The following WNT5B variants were observed in gnomAD, a reference collection of about 807,000 sequenced individuals.
WNT5B encodes the protein protein Wnt-5b.
WNT5B carries 18 observed loss-of-function variants against 36.5 expected under a neutral mutation model. The observed-to-expected ratio is 0.49, with a 90% CI of 0.34 to 0.73. The LOEUF (loss-of-function observed/expected upper bound fraction) is 0.73. Ranked by LOEUF, WNT5B falls within the 30% of genes least tolerant of loss-of-function variation. WNT5B has a pLI of 0.01. For missense variants in WNT5B, 424 were observed against 508.4 expected (o/e 0.83, Z 1.60); for synonymous variants, 213 against 212.3 (o/e 1.00, Z -0.03).
At chr12:1,623,198 T>TTTTG (rs1565603205) in intron 1 of WNT5B, among the ~76,000 whole-genome samples, 2 of 119,004 alleles carry the variant, frequency 1.7e-5, no homozygotes, top group African/African-American at 3.3e-5. Context: ...TTTTTTTTTT[T>TTTTG]TTTTTTTTTT....
upstream of WNT5B, among the ~76,000 whole-genome samples, chr12:1,627,339 G>A (rs1592520543): frequency 6.6e-6 from 1 of 152,326 alleles, no homozygotes; most frequent in East Asian, 1.9e-4. The surrounding 1 kb of genome is among the most constrained non-coding windows in gnomAD (Gnocchi z 5.0). Flanking sequence ...TTTCCTGCAG[G>A]AGTCTTGAGA....
intron 3 of WNT5B, among the ~76,000 whole-genome samples, chr12:1,639,219 G>C (rs7295128): frequency 0.14 from 20,693 of 150,180 alleles, 2,192 homozygotes; most frequent in African/African-American, 0.29. Flanking sequence ...CTCCCTGCAA[G>C]CTCCGCCTCC....
At chr12:1,631,510 C>G in intron 2 of WNT5B, 76 bp downstream of exon 2, 4 of 1,606,772 alleles carry the variant, frequency 2.5e-6, no homozygotes, top group Non-Finnish European at 3.4e-6. Flanking sequence ...AGGAAGGGCA[C>G]CGTGTGTCAC....
intron 1 of WNT5B, among the ~76,000 whole-genome samples, chr12:1,623,128 G>A (rs979276431): frequency 1.3e-5 from 2 of 151,642 alleles, no homozygotes; most frequent in Non-Finnish European, 2.9e-5. Context: ...TCATGTAATG[G>A]GGTGAGGAGT....
chr12:1,617,353 A>G (rs1056451202), intron 1 of WNT5B, among the ~76,000 whole-genome samples: 10 of 151,694 alleles, frequency 6.6e-5, no homozygotes, highest in African/African-American at 2.4e-4. Context: ...TTTAAAGAAC[A>G]GCATGATGGG....
chr12:1,632,230 A>C lies in WNT5B; in HGVS notation c.81-428A>C, dbSNP rs906129973. Among the ~76,000 whole-genome samples, 3 of 152,216 alleles carry C rather than the reference A, an allele frequency of 2.0e-5. No individual in the cohort carries two copies. Among genetic ancestry groups the C allele is most frequent in the African/African-American group, 7.2e-5 (3 of 41,462 alleles). ...ACTAGTCACTCCTACTCATTGAATGAGGCCTGTGCTCTCCTGTTGAGGTTT... is the reference window on the plus strand; with the variant it reads ...ACTAGTCACTCCTACTCATTGAATGCGGCCTGTGCTCTCCTGTTGAGGTTT... On this transcript the variant is annotated intron_variant, in intron 2 of 4. Transcript: ENST00000397196. The surrounding 1 kb of genome is among the most constrained non-coding windows in gnomAD (Gnocchi z 5.8).
intron 1 of WNT5B, among the ~76,000 whole-genome samples, chr12:1,624,116 G>A (rs2094537900): frequency 6.6e-6 from 1 of 152,168 alleles, no homozygotes; most frequent in Non-Finnish European, 1.5e-5. Flanking sequence ...GCTGGGTACC[G>A]CGGCTCACGC....
rs1418402452 is a variant in WNT5B at position 1,618,744 on chromosome 12, C to T, written c.-58+1601C>T. The stretch of plus-strand genomic sequence containing the variant: ...TGCTTTTCCAAGTAAGATGAGTCAT[C>T]TGAGATCTGCCATTTCTGGGAATTG... On this transcript the variant is annotated intron_variant, in intron 1 of 4. Transcript: ENST00000310594. This position sits in a 1 kb window ranked among gnomAD's most constrained non-coding sequence, Gnocchi z 4.1. Among the ~76,000 whole-genome samples, 1 of 152,178 alleles carries T rather than the reference C, an allele frequency of 6.6e-6. No individual in the cohort carries two copies. Among genetic ancestry groups the T allele is most frequent in the Non-Finnish European group, 1.5e-5 (1 of 68,038 alleles).
chr12:1,620,521 A>G (rs376435115), intron 1 of WNT5B, among the ~76,000 whole-genome samples: 2 of 151,354 alleles, frequency 1.3e-5, no homozygotes, highest in East Asian at 3.9e-4. Flanking sequence ...GGCTATCAAG[A>G]GTGCTGCTAT....
At chr12:1,639,541 T>TTAGAGC (rs2154439755) in intron 3 of WNT5B, 143 bp from the exon 4 acceptor site, 1 of 855,052 alleles carries the variant, frequency 1.2e-6, no homozygotes, top group East Asian at 3.1e-5. Flanking sequence ...TTTCCAAGCG[T>TTAGAGC]TAGAGCTACG....
rs560475026 is a variant in WNT5B at position 1,622,263 on chromosome 12, A to C, written c.-58+5120A>C. On this transcript the variant is annotated intron_variant, in intron 1 of 4. Transcript: ENST00000310594. Reference sequence around the variant, plus strand: ...GTCGCTGGGACTACAGGCGCCCGCCACCACGCCCGGCTAATTTTTTGTATT... The same window carrying C: ...GTCGCTGGGACTACAGGCGCCCGCCCCCACGCCCGGCTAATTTTTTGTATT... Among the ~76,000 whole-genome samples, 5 of 151,960 alleles carry C rather than the reference A, an allele frequency of 3.3e-5. 1 individual carries two copies. Among genetic ancestry groups the C allele is most frequent in the East Asian group, 1.9e-4 (1 of 5,166 alleles).
rs1268054760 is a variant in WNT5B at position 1,618,104 on chromosome 12, C to T, written c.-58+961C>T. ...CTGCAGTGAGCTGTGATCATGCCACCGTACTCCAGCCTGGGTGACAGTGAG... is the reference window on the plus strand; with the variant it reads ...CTGCAGTGAGCTGTGATCATGCCACTGTACTCCAGCCTGGGTGACAGTGAG... On this transcript the variant is annotated intron_variant, in intron 1 of 4. Coordinates refer to the WNT5B transcript ENST00000310594. This position sits in a 1 kb window ranked among gnomAD's most constrained non-coding sequence, Gnocchi z 4.1. Among the ~76,000 whole-genome samples, 5 of 152,088 alleles carry T rather than the reference C, an allele frequency of 3.3e-5. No individual in the cohort carries two copies. The highest frequency in any genetic ancestry group is 1.2e-4 in the African/African-American group (5 of 41,404).
intron 3 of WNT5B, among the ~76,000 whole-genome samples, chr12:1,635,767 T>G (rs568133986): frequency 6.6e-6 from 1 of 152,252 alleles, no homozygotes; most frequent in East Asian, 1.9e-4. Flanking sequence ...CCATCCCCAG[T>G]GCTCCTTGTC....
chr12:1,631,211 G>T (rs777813561), intron 1 of WNT5B, 87 bp from the exon 2 acceptor site: 41 of 1,278,904 alleles, frequency 3.2e-5, no homozygotes, highest in Non-Finnish European at 4.4e-5. Flanking sequence ...GTAAGCATCA[G>T]TGCAACTTTC....
chr12:1,624,579 G>A (rs929713163), upstream of WNT5B, among the ~76,000 whole-genome samples: 2 of 152,096 alleles, frequency 1.3e-5, no homozygotes, highest in Non-Finnish European at 2.9e-5. Context: ...ACAAATGTTG[G>A]CAGAGATTAA....
At position 1,629,810 on chromosome 12, in the gene WNT5B, A is replaced by T. The variant is rs1278773368; in HGVS notation, c.-58+439A>T. On this transcript the variant is annotated intron_variant, in intron 1 of 4. Coordinates refer to ENST00000397196, the MANE Select transcript of WNT5B (RefSeq NM_032642.3). ...GGGGACGAGGAGGATTTATGGGGGG[A>T]GAGGAGAGGGGGAGGGGCATCCTCC... The T allele has an allele frequency of 2.1e-4, 9 of 43,230 alleles. No individual in the cohort carries two copies. In the Admixed American group the frequency reaches 2.5e-3, roughly 12 times the overall value. The allele number at this position is 43,230 out of a possible 1,614,324, so 2.7% of individuals were successfully genotyped here. A position where few individuals can be genotyped will look rare whatever the true frequency, so the allele number is the denominator to read the frequency against.
intron 3 of WNT5B, among the ~76,000 whole-genome samples, chr12:1,637,581 C>A (rs1363077508): frequency 6.3e-4 from 69 of 110,258 alleles, no homozygotes; most frequent in Non-Finnish European, 6.8e-4. Flanking sequence ...ACTAAACATA[C>A]AAAAAAAAAA....
intron 4 of WNT5B, among the ~76,000 whole-genome samples, chr12:1,641,949 C>T (rs2094576206): frequency 6.6e-6 from 1 of 152,240 alleles, no homozygotes; most frequent in Admixed American, 6.5e-5. Context: ...TGCATAGCAT[C>T]ATCAGCCATG....
At chr12:1,625,852 T>A (rs569088637), upstream of WNT5B, among the ~76,000 whole-genome samples, 8 of 152,040 alleles carry the variant, frequency 5.3e-5, no homozygotes, top group South Asian at 1.7e-3. Context: ...TTAGTAGAGA[T>A]AGGTGTTGCC....
Sources: gnomAD v4.1 joint callset for allele counts (sites outside exome capture counted in the v4.1 genomes callset) on GRCh38, gnomAD v4.1.1 for gene constraint, Gnocchi (gnomAD v3.1) non-coding constraint, MANE v1.5 for transcripts, NCBI Gene and HGNC (gene_info 2026-07-23, HGNC 2026-07-21) for gene names.